LRP2: variants seen among roughly 807,000 people sequenced by gnomAD.
The protein encoded by LRP2 is low-density lipoprotein receptor-related protein 2.
A neutral mutation model predicts 531.0 loss-of-function variants in LRP2; 172 were observed. That is an observed-to-expected ratio of 0.32 (90% CI 0.29 to 0.37). LRP2 has a LOEUF of 0.37. Ranked by LOEUF, LRP2 falls within the 10% of genes least tolerant of loss-of-function variation. LRP2 has a pLI of 1.00. For missense variants in LRP2, 5,167 were observed against 5,868.3 expected, an observed-to-expected ratio of 0.88 and a Z score of 3.90; for synonymous variants, 1,992 against 2,027.6, an observed-to-expected ratio of 0.98 and a Z score of 0.47.
chr2:169,356,271 G>C (rs1685984511), intron 1 of LRP2, among the ~76,000 whole-genome samples: 1 of 152,186 alleles, frequency 6.6e-6, no homozygotes, highest in African/African-American at 2.4e-5. Context: ...CAACATAACA[G>C]TACTGAATAA....
intron 1 of LRP2, among the ~76,000 whole-genome samples, chr2:169,356,789 G>A (rs963230400): frequency 1.3e-5 from 2 of 152,146 alleles, no homozygotes; most frequent in African/African-American, 2.4e-5. Context: ...CCCAGAACTC[G>A]GATGCTGAAA....
intron 25 of LRP2, chr2:169,240,685 C>G (rs767806506): frequency 3.7e-6 from 2 of 538,514 alleles, no homozygotes; most frequent in Non-Finnish European, 6.6e-6. Flanking sequence ...AATTAATGAG[C>G]ACATTACCAA....
At chr2:169,131,530 C>A (rs1042559765) in intron 77 of LRP2, among the ~76,000 whole-genome samples, 9 of 152,248 alleles carry the variant, frequency 5.9e-5, no homozygotes, top group Admixed American at 5.9e-4. Flanking sequence ...ACTTTCATTT[C>A]TTTACATTAC....
At chr2:169,179,954 T>G (rs1011239685) in intron 52 of LRP2, among the ~76,000 whole-genome samples, 1 of 152,170 alleles carries the variant, frequency 6.6e-6, no homozygotes, top group African/African-American at 2.4e-5. Context: ...ATATTATGAT[T>G]TGACTTTTAG....
chr2:169,303,783 T>C (rs1246833766), intron 4 of LRP2, among the ~76,000 whole-genome samples: 1 of 152,106 alleles, frequency 6.6e-6, no homozygotes, highest in East Asian at 1.9e-4. Flanking sequence ...CTTACATGCA[T>C]GTGATTCATT....
intron 14 of LRP2, 119 bp from the exon 15 acceptor site, chr2:169,273,186 G>A (rs1683466495): frequency 8.6e-7 from 1 of 1,156,710 alleles, no homozygotes; most frequent in Non-Finnish European, 1.3e-6. Flanking sequence ...TTAGCAACGT[G>A]TTGAAAACAT....
At chr2:169,201,525 G>C in intron 44 of LRP2, 103 bp downstream of exon 44, 1 of 1,492,712 alleles carries the variant, frequency 6.7e-7, no homozygotes, top group Non-Finnish European at 9.1e-7. Context: ...TAAATACTTA[G>C]GGTTTTTATT....
chr2:169,344,772 T>C (rs916032924), intron 1 of LRP2, among the ~76,000 whole-genome samples: 4 of 152,196 alleles, frequency 2.6e-5, no homozygotes, highest in Non-Finnish European at 5.9e-5. Context: ...CACCCCCAAC[T>C]ACTGCTCTCA....
intron 9 of LRP2, among the ~76,000 whole-genome samples, chr2:169,283,271 A>AT (rs1683755596): frequency 6.6e-6 from 1 of 152,190 alleles, no homozygotes; most frequent in African/African-American, 2.4e-5. Context: ...ATGGTACTGC[A>AT]TTTCATTTAT....
At chr2:169,224,425 A>C (rs1246645566) in intron 33 of LRP2, among the ~76,000 whole-genome samples, 1 of 152,200 alleles carries the variant, frequency 6.6e-6, no homozygotes, top group Non-Finnish European at 1.5e-5. Flanking sequence ...CCTCATCTAG[A>C]ATTTCTTCTG....
intron 55 of LRP2, among the ~76,000 whole-genome samples, chr2:169,174,773 C>T (rs1043513598): frequency 1.4e-5 from 2 of 145,792 alleles, no homozygotes; most frequent in Non-Finnish European, 3.0e-5. Flanking sequence ...GCCTCCCAAA[C>T]TGTTGGGATT....
At position 169,235,954 on chromosome 2, in the gene LRP2, G is replaced by A; in HGVS notation, c.4806C>T (p.Gly1602=). 1 of 1,614,178 alleles carries A rather than the reference G, an allele frequency of 6.2e-7. No homozygotes were observed. The highest frequency in any genetic ancestry group is 1.1e-5 in the South Asian group (1 of 91,082). ...IVQDKIFWPC[G]LTIDYPNRLL... ...GTCTGTTGGGGTAGTCAATAGTTAA[G>A]CCGCAGGGCCAGAAGATCTTGTCCT... The change falls in exon 29 of 79, where the codon GGC becomes GGT. Residue 1602 remains glycine, a synonymous_variant. Transcript: ENST00000649046.
At chr2:169,157,649 T>C (rs1686382617) in intron 63 of LRP2, 147 bp from the exon 64 acceptor site, 1 of 818,012 alleles carries the variant, frequency 1.2e-6, no homozygotes, top group Admixed American at 2.1e-5. Context: ...CAGAGGGCAC[T>C]GGGGGAGTCA....
chr2:169,205,755 T>C (rs2105331692), intron 40 of LRP2, 118 bp from the exon 41 acceptor site: 1 of 1,058,738 alleles, frequency 9.4e-7, no homozygotes, highest in Non-Finnish European at 1.4e-6. Context: ...AAAAGAAACT[T>C]CATTTCTACT....
At chr2:169,146,713 A>G in intron 69 of LRP2, 26 bp downstream of exon 69, 1 of 1,512,074 alleles carries the variant, frequency 6.6e-7, no homozygotes, top group East Asian at 2.3e-5. Flanking sequence ...TTAATTTAAT[A>G]TATTACTTTC....
intron 3 of LRP2, among the ~76,000 whole-genome samples, chr2:169,309,552 C>A (rs1277950437): frequency 2.0e-5 from 3 of 152,148 alleles, no homozygotes; most frequent in South Asian, 2.1e-4. Flanking sequence ...GGTATTATTT[C>A]TGAGGGCTCT....
intron 1 of LRP2, among the ~76,000 whole-genome samples, chr2:169,357,673 C>A (rs188757009): frequency 3.9e-5 from 6 of 152,224 alleles, no homozygotes; most frequent in Admixed American, 3.9e-4. Context: ...GCTACTAGGA[C>A]TTAACAGAAA....
intron 1 of LRP2, among the ~76,000 whole-genome samples, chr2:169,327,376 G>A (rs1367646346): frequency 1.6e-5 from 2 of 128,644 alleles, no homozygotes; most frequent in African/African-American, 3.1e-5. Context: ...CTGCCCAGCC[G>A]CCCCTACTGG....
intron 10 of LRP2, 74 bp downstream of exon 10, chr2:169,282,799 T>C: frequency 1.4e-6 from 2 of 1,475,938 alleles, no homozygotes; most frequent in Non-Finnish European, 1.9e-6. Context: ...AATTCTGTTG[T>C]CATCAGAAGG....
Sources: gnomAD v4.1 joint callset for allele counts (sites outside exome capture counted in the v4.1 genomes callset) on GRCh38, gnomAD v4.1.1 for gene constraint, MANE v1.5 for transcripts, NCBI Gene and HGNC (gene_info 2026-07-23, HGNC 2026-07-21) for gene names.